DSG1: variants seen among roughly 807,000 people sequenced by gnomAD.
DSG1 encodes the protein desmoglein-1.
In DSG1, 39 loss-of-function variants were observed where a neutral mutation model predicts 97.5. The ratio of observed to expected loss-of-function variants is 0.40; its 90% CI spans 0.31 to 0.52. DSG1 has a LOEUF of 0.52. Among genes scored for constraint, DSG1 ranks in the 20% least tolerant of loss-of-function variants. The pLI is 0.53. For synonymous variants in DSG1, 475 were observed against 443.4 expected (o/e 1.07, Z -0.90); for missense variants, 1,311 against 1,295.4 (o/e 1.01, Z -0.18).
rs949863666 is a variant in DSG1 at position 31,354,751 on chromosome 18, A to G, written c.2555A>G (p.His852Arg). The G allele has an allele frequency of 1.2e-6, 2 of 1,614,044 alleles. No homozygotes were observed. The change falls in exon 15 of 15, where the codon CAC (histidine) becomes CGC (arginine). Residue 852 changes from histidine to arginine, a missense_variant. This residue lies in a region of DSG1 where 1,038 missense variants were observed against 964.6 expected (regional missense o/e 1.08). Coordinates refer to ENST00000257192, the MANE Select transcript of DSG1 (RefSeq NM_001942.4). ...TCTGACACTCTGAAGCCCTCTGTGC[A>G]CGTTCACGATAACCGACCAGCATCA... The part of the protein sequence containing the change: ...TTSDTLKPSV[H>R]VHDNRPASNV...
At chr18:31,322,009 T>C (rs766852753) in intron 1 of DSG1, among the ~76,000 whole-genome samples, 11 of 152,230 alleles carry the variant, frequency 7.2e-5, no homozygotes, top group Non-Finnish European at 1.2e-4. Context: ...ATGCTTGATA[T>C]GCAAATTCCT....
At chr18:31,321,755 T>G (rs2144081820) in intron 1 of DSG1, among the ~76,000 whole-genome samples, 1 of 152,318 alleles carries the variant, frequency 6.6e-6, no homozygotes, top group Non-Finnish European at 1.5e-5. Context: ...TTCACTTATT[T>G]AACAAATCTC....
rs1321625956 is a variant in DSG1 at position 31,358,563 on chromosome 18, A to C, written c.*3217A>C. The stretch of plus-strand genomic sequence containing the variant: ...AAGTAGATGTTTTTAGTTATCTGGC[A>C]ATTTATTTCTGAATTTATACCAATG... On this transcript the variant is annotated 3_prime_UTR_variant, in exon 15 of 15. Coordinates refer to ENST00000257192, the MANE Select transcript of DSG1 (RefSeq NM_001942.4). 2.6e-5 allele frequency among the ~76,000 whole-genome samples: 4 copies of C among 151,956 alleles called. No individual in the cohort carries two copies. Among genetic ancestry groups the C allele is most frequent in the African/African-American group, 9.7e-5 (4 of 41,424 alleles).
chr18:31,321,063 T>TC (rs1257836630), intron 1 of DSG1, among the ~76,000 whole-genome samples: 3 of 151,778 alleles, frequency 2.0e-5, no homozygotes, highest in Non-Finnish European at 4.4e-5. Flanking sequence ...GTAACCATTT[T>TC]CCCCCTCTTT....
Position 31,345,644 on chromosome 18 carries a change from A to ATACACTGGGGCATTCT in DSG1, c.1892-339_1892-338insGGGCATTCTTACACTG, listed in dbSNP as rs1465029702. 3.3e-4 allele frequency among the ~76,000 whole-genome samples: 15 copies of ATACACTGGGGCATTCT among 45,740 alleles called. No homozygotes were observed. In the African/African-American group the frequency reaches 3.4e-3, roughly 10 times the overall value. The allele number at this position is 45,740 out of a possible 152,430, so 30.0% of individuals were successfully genotyped here. A position where few individuals can be genotyped will look rare whatever the true frequency, so the allele number is the denominator to read the frequency against. ...TAGTTATACACTGGGGCTTCTAGTTATACACTGTTTTTTTAACTTTCAGAA... is the reference window on the plus strand; with the variant it reads ...TAGTTATACACTGGGGCTTCTAGTTATACACTGGGGCATTCTTACACTGTTTTTTTAACTTTCAGAA... On this transcript the variant is annotated intron_variant, in intron 13 of 14. Coordinates refer to ENST00000257192, the MANE Select transcript of DSG1 (RefSeq NM_001942.4).
At chr18:31,351,578 C>A (rs1398891175) in intron 14 of DSG1, among the ~76,000 whole-genome samples, 1 of 151,466 alleles carries the variant, frequency 6.6e-6, no homozygotes, top group Admixed American at 6.6e-5. Context: ...GTGTTAAAGT[C>A]TCCCATTATT....
intron 6 of DSG1, among the ~76,000 whole-genome samples, chr18:31,333,221 C>T (rs1359995575): frequency 6.6e-6 from 1 of 152,176 alleles, no homozygotes; most frequent in Non-Finnish European, 1.5e-5. Context: ...TTATATGCTT[C>T]TTGCACACTC....
intron 3 of DSG1, 21 bp downstream of exon 3, chr18:31,327,026 A>G: frequency 6.2e-7 from 1 of 1,613,584 alleles, no homozygotes; most frequent in Non-Finnish European, 8.5e-7. Flanking sequence ...ACTCCAAAGC[A>G]TAACATTGAA....
chr18:31,355,127 T>TGGCCTGGTTGGCACCAGC lies in DSG1; in HGVS notation c.2932_2949dup (p.Gly978_Ser983dup). ...GGATCAGCGGTGGCATAGGCAGCAG[T>TGGCCTGGTTGGCACCAGC]GGCCTGGTTGGCACCAGCATGGGTG... On this transcript the variant is annotated inframe_insertion, in exon 15 of 15. Coordinates refer to ENST00000257192, the MANE Select transcript of DSG1 (RefSeq NM_001942.4). 2 of 1,613,058 alleles carry TGGCCTGGTTGGCACCAGC rather than the reference T, an allele frequency of 1.2e-6. No homozygotes were observed. Among genetic ancestry groups the TGGCCTGGTTGGCACCAGC allele is most frequent in the Non-Finnish European group, 1.7e-6 (2 of 1,179,172 alleles).
In DSG1 at chr18:31,355,130, C is replaced by A. The variant is rs1206013660; in HGVS notation, c.2934C>A (p.Gly978=). Residue 978 remains glycine, a synonymous_variant, in exon 15 of 15, where the codon GGC becomes GGA. Coordinates refer to ENST00000257192, the MANE Select transcript of DSG1 (RefSeq NM_001942.4). ...TCAGCGGTGGCATAGGCAGCAGTGG[C>A]CTGGTTGGCACCAGCATGGGTGCTG... The part of the protein sequence containing the change: ...TGISGGIGSS[G]LVGTSMGAGS... 2 of 1,612,778 alleles carry A rather than the reference C, an allele frequency of 1.2e-6. No homozygotes were observed. The highest frequency in any genetic ancestry group is 4.5e-5 in the East Asian group (2 of 44,874).
chr18:31,330,161 TCTTTC>T, intron 5 of DSG1, 125 bp downstream of exon 5: 1 of 1,235,654 alleles, frequency 8.1e-7, no homozygotes, highest in Non-Finnish European at 1.2e-6. Context: ...GAATAGCAAG[TCTTTC>T]CTTTCAACTA....
chr18:31,331,146 T>C (rs777630412), intron 5 of DSG1, among the ~76,000 whole-genome samples: 4 of 152,208 alleles, frequency 2.6e-5, no homozygotes, highest in Middle Eastern at 3.4e-3. Context: ...ATCTACTAAT[T>C]ACCTTGCACT....
At position 31,357,400 on chromosome 18, in the gene DSG1, T is replaced by C. The variant is rs2071968645; in HGVS notation, c.*2054T>C. On this transcript the variant is annotated 3_prime_UTR_variant, in exon 15 of 15. Coordinates refer to ENST00000257192, the MANE Select transcript of DSG1 (RefSeq NM_001942.4). The stretch of plus-strand genomic sequence containing the variant: ...GTATTTATTAAGACATACTTGAGTA[T>C]GCCTGGGTCCAGGAGTTTTAAGGAA... Among the ~76,000 whole-genome samples, 1 of 152,044 alleles carries C rather than the reference T, an allele frequency of 6.6e-6. No homozygotes were observed. Among genetic ancestry groups the C allele is most frequent in the Non-Finnish European group, 1.5e-5 (1 of 67,916 alleles).
At position 31,333,579 on chromosome 18, in the gene DSG1, G is replaced by T. The variant is rs764078467; in HGVS notation, c.685-10G>T. On this transcript the variant is annotated splice_polypyrimidine_tract_variant and intron_variant, in intron 6 of 14. Transcript: ENST00000257192. ...TCAAGTGTGATATTGCCTGTAATAT[G>T]TATTTTTAGCAATACGGCCAGTATG... The T allele has an allele frequency of 1.9e-6, 3 of 1,613,714 alleles. No individual in the cohort carries two copies. Among genetic ancestry groups the T allele is most frequent in the Non-Finnish European group, 2.5e-6 (3 of 1,179,700 alleles).
In DSG1 at chr18:31,336,397, G is replaced by T; in HGVS notation, c.1049G>T (p.Gly350Val). ...EAMQSLQLSIGVRNKAEFHHS... is the reference protein window; with the variant it reads ...EAMQSLQLSIVVRNKAEFHHS... Reference sequence around the variant, plus strand: ...ATGCAGAGTCTGCAACTCAGTATTGGTGTCAGAAATAAAGCTGAATTTCAT... The same window carrying T: ...ATGCAGAGTCTGCAACTCAGTATTGTTGTCAGAAATAAAGCTGAATTTCAT... The change falls in exon 9 of 15, where the codon GGT becomes GTT. Residue 350 changes from glycine to valine, a missense_variant. Coordinates refer to ENST00000257192, the MANE Select transcript of DSG1 (RefSeq NM_001942.4). 7.4e-6 allele frequency: 12 copies of T among 1,613,710 alleles called. No individual in the cohort carries two copies. The highest frequency in any genetic ancestry group is 1.0e-5 in the Non-Finnish European group (12 of 1,179,784).
At chr18:31,323,297 C>G (rs1205691843) in intron 1 of DSG1, among the ~76,000 whole-genome samples, 1 of 152,158 alleles carries the variant, frequency 6.6e-6, no homozygotes, top group East Asian at 1.9e-4. Context: ...TAACCTCACC[C>G]TTACTCCAGG....
At position 31,352,375 on chromosome 18, in the gene DSG1, C is replaced by T. The variant is rs1180023683; in HGVS notation, c.2101-1922C>T. On this transcript the variant is annotated intron_variant, in intron 14 of 14. Transcript: ENST00000257192. ...GATGGGCTTCCCTTTGAGGGTAACC[C>T]GACCTTTCTCTCTGGCTGCCCTTAA... 3.3e-5 allele frequency among the ~76,000 whole-genome samples: 5 copies of T among 151,274 alleles called. 1 individual carries two copies. Among genetic ancestry groups the T allele is most frequent in the Non-Finnish European group, 5.9e-5 (4 of 67,976 alleles).
In DSG1 at chr18:31,359,182, G is replaced by GT. The variant is rs556310362; in HGVS notation, c.*3843dup. On this transcript the variant is annotated 3_prime_UTR_variant, in exon 15 of 15. Coordinates refer to ENST00000257192, the MANE Select transcript of DSG1 (RefSeq NM_001942.4). Reference sequence around the variant, plus strand: ...TAGTTTCTTGCTTGGTTATCTGTTCGTTTTTTTAAGTTGATTTGTAATTTC... The same window carrying GT: ...TAGTTTCTTGCTTGGTTATCTGTTCGTTTTTTTTAAGTTGATTTGTAATTTC... Among the ~76,000 whole-genome samples the GT allele has an allele frequency of 1.8e-4, 27 of 151,906 alleles. 1 individual carries two copies. The South Asian group carries it at 5.4e-3, about 31-fold the overall frequency.
Position 31,358,743 on chromosome 18 carries a change from C to T in DSG1, c.*3397C>T, listed in dbSNP as rs139130943. 0.012 allele frequency among the ~76,000 whole-genome samples: 1,751 copies of T among 152,096 alleles called. 19 individuals are homozygous for T. The highest frequency in any genetic ancestry group is 0.012 in the Non-Finnish European group (806 of 67,912). On this transcript the variant is annotated 3_prime_UTR_variant, in exon 15 of 15. Coordinates refer to ENST00000257192, the MANE Select transcript of DSG1 (RefSeq NM_001942.4). ...AAGTATTTGCCACATTTTCCCATGC[C>T]TATTTCATAAATTCCAACTTTTTTT...
Sources: gnomAD v4.1 joint callset for allele counts (sites outside exome capture counted in the v4.1 genomes callset) on GRCh38, gnomAD v4.1.1 for gene constraint, gnomAD v4.1.1 regional missense constraint, MANE v1.5 for transcripts, NCBI Gene and HGNC (gene_info 2026-07-23, HGNC 2026-07-21) for gene names.